Variants in ADAM32 observed in about 807,000 individuals in gnomAD.
The protein encoded by ADAM32 is disintegrin and metalloproteinase domain-containing protein 32.
ADAM32 carries 89 observed loss-of-function variants against 114.9 expected under a neutral mutation model. The observed-to-expected ratio is 0.77, with a 90% confidence interval of 0.65 to 0.92. The LOEUF (loss-of-function observed/expected upper bound fraction) is 0.92. Ranked by LOEUF, ADAM32 falls within the 40% of genes least tolerant of loss-of-function variation. The pLI is 0.00. For synonymous variants in ADAM32, 285 were observed against 307.5 expected (o/e 0.93, Z 0.77); for missense variants, 870 against 932.8 (o/e 0.93, Z 0.88).
chr8:39,142,372 T>G (rs1803215895), intron 3 of ADAM32, among the ~76,000 whole-genome samples: 1 of 152,220 alleles, frequency 6.6e-6, no homozygotes, highest in Non-Finnish European at 1.5e-5. Flanking sequence ...AGTGCTTCCT[T>G]CAGGAGCTCT....
chr8:39,240,399 C>G (rs780791259), intron 16 of ADAM32, among the ~76,000 whole-genome samples: 1 of 152,216 alleles, frequency 6.6e-6, no homozygotes, highest in Non-Finnish European at 1.5e-5. Flanking sequence ...CACAACCCAT[C>G]CAATCCTCTG....
rs891022065 is a variant in ADAM32, at chr8:39,235,298, ATAT to A, written c.1818+1222_1818+1224del. On this transcript the variant is annotated intron_variant, in intron 16 of 24. Coordinates refer to ENST00000379907, the MANE Select transcript of ADAM32 (RefSeq NM_145004.7). ...TAGATGATCTTTAAGAAATAATTTA[ATAT>A]TATTAAGCCTTGGTATCCTTAGATA... 7.2e-5 allele frequency among the ~76,000 whole-genome samples: 11 copies of A among 152,136 alleles called. 1 individual carries two copies. The highest frequency in any genetic ancestry group is 2.2e-4 in the African/African-American group (9 of 41,442).
chr8:39,216,780 C>T (rs941367300), intron 12 of ADAM32, among the ~76,000 whole-genome samples: 9 of 151,360 alleles, frequency 5.9e-5, no homozygotes, highest in South Asian at 2.1e-4. Context: ...TTTGTTTTTT[C>T]TATTTATATA....
chr8:39,239,362 AC>A (rs1440110685), intron 16 of ADAM32, among the ~76,000 whole-genome samples: 1 of 152,210 alleles, frequency 6.6e-6, no homozygotes, highest in Non-Finnish European at 1.5e-5. Flanking sequence ...TTTCAGACTA[AC>A]AAAAGCTGAG....
intron 12 of ADAM32, among the ~76,000 whole-genome samples, chr8:39,212,869 A>G (rs1808319602): frequency 1.3e-5 from 2 of 152,200 alleles, no homozygotes; most frequent in South Asian, 4.1e-4. Context: ...TCAGCAGCAT[A>G]TGAAACTTTG....
At chr8:39,206,256 C>T (rs1470205597) in intron 11 of ADAM32, among the ~76,000 whole-genome samples, 1 of 152,174 alleles carries the variant, frequency 6.6e-6, no homozygotes, top group Non-Finnish European at 1.5e-5. Flanking sequence ...ATTGGTCCTT[C>T]AGCACCCGTG....
At chr8:39,187,282 T>C (rs1447446078) in intron 11 of ADAM32, among the ~76,000 whole-genome samples, 1 of 86,968 alleles carries the variant, frequency 1.1e-5, no homozygotes, top group Non-Finnish European at 2.9e-5. Context: ...TTAGTATGGA[T>C]TTTTTTTGAG....
intron 11 of ADAM32, among the ~76,000 whole-genome samples, chr8:39,190,662 T>C (rs1806544240): frequency 6.6e-6 from 1 of 152,248 alleles, no homozygotes; most frequent in Admixed American, 6.5e-5. Context: ...GAATATTTTT[T>C]CGTGTCAGAA....
intron 11 of ADAM32, among the ~76,000 whole-genome samples, chr8:39,204,068 T>C (rs1483742885): frequency 1.3e-5 from 2 of 152,240 alleles, no homozygotes; most frequent in East Asian, 3.8e-4. Context: ...CTTAACATTT[T>C]TTCCTTCATT....
intron 16 of ADAM32, among the ~76,000 whole-genome samples, chr8:39,241,267 G>A (rs1810532838): frequency 6.6e-6 from 1 of 152,234 alleles, no homozygotes; most frequent in African/African-American, 2.4e-5. Flanking sequence ...TCACAGGCTG[G>A]CACTGAATGT....
chr8:39,208,741 A>G (rs1004948149), intron 11 of ADAM32, among the ~76,000 whole-genome samples: 1 of 152,160 alleles, frequency 6.6e-6, no homozygotes, highest in African/African-American at 2.4e-5. Context: ...TAAGGTTTCC[A>G]TAGAGAATTC....
intron 11 of ADAM32, among the ~76,000 whole-genome samples, chr8:39,199,653 G>T (rs960924035): frequency 1.3e-5 from 2 of 151,238 alleles, no homozygotes; most frequent in African/African-American, 4.9e-5. Flanking sequence ...TTAAGTTCTA[G>T]GGTACATGTG....
At chr8:39,124,401 A>G (rs1229643556) in intron 2 of ADAM32, among the ~76,000 whole-genome samples, 1 of 137,558 alleles carries the variant, frequency 7.3e-6, no homozygotes, top group Admixed American at 8.1e-5. Flanking sequence ...TAGATTTACC[A>G]CATTTTCTTT....
At chr8:39,239,021 C>T (rs1810381892) in intron 16 of ADAM32, among the ~76,000 whole-genome samples, 1 of 152,136 alleles carries the variant, frequency 6.6e-6, no homozygotes, top group Non-Finnish European at 1.5e-5. Flanking sequence ...AGGAGAACTT[C>T]CCTGGCCTTG....
chr8:39,119,841 A>C (rs1840519652), intron 2 of ADAM32, among the ~76,000 whole-genome samples: 1 of 152,168 alleles, frequency 6.6e-6, no homozygotes, highest in Admixed American at 6.5e-5. Context: ...ATATTTGGAG[A>C]TAGGGCCTTA....
intron 16 of ADAM32, among the ~76,000 whole-genome samples, chr8:39,234,910 G>T (rs1810018474): frequency 6.6e-6 from 1 of 152,082 alleles, no homozygotes; most frequent in African/African-American, 2.4e-5. Context: ...TTCTTAAGTG[G>T]ACCATTCAGG....
intron 2 of ADAM32, among the ~76,000 whole-genome samples, chr8:39,123,528 C>T (rs1399407320): frequency 1.3e-5 from 2 of 151,966 alleles, no homozygotes; most frequent in Non-Finnish European, 2.9e-5. Context: ...ATTGCATGCT[C>T]ATTTTTACAA....
intron 16 of ADAM32, among the ~76,000 whole-genome samples, chr8:39,241,125 C>A (rs1483287097): frequency 6.6e-6 from 1 of 152,220 alleles, no homozygotes; most frequent in Non-Finnish European, 1.5e-5. Flanking sequence ...GCAGTGAAAT[C>A]TTAAAGCTCC....
chr8:39,195,809 C>T (rs961820368), intron 11 of ADAM32, among the ~76,000 whole-genome samples: 2 of 152,080 alleles, frequency 1.3e-5, no homozygotes, highest in African/African-American at 2.4e-5. Flanking sequence ...TACAGACTTA[C>T]AGTATATTTT....
Sources: gnomAD v4.1 joint callset for allele counts (sites outside exome capture counted in the v4.1 genomes callset) on GRCh38, gnomAD v4.1.1 for gene constraint, MANE v1.5 for transcripts, NCBI Gene and HGNC (gene_info 2026-07-23, HGNC 2026-07-21) for gene names.